EEF1E1: variants seen among roughly 807,000 people sequenced by gnomAD.
The protein encoded by EEF1E1 is eukaryotic translation elongation factor 1 epsilon 1, also known as eukaryotic translation elongation factor 1 epsilon-1.
EEF1E1 carries 19 observed loss-of-function variants against 19.9 expected under a neutral mutation model. That is an observed-to-expected ratio of 0.95 (90% CI 0.66 to 1.40). EEF1E1 has a LOEUF of 1.40. EEF1E1 is among the 40% of genes most tolerant of loss of function. The pLI, the probability that EEF1E1 is intolerant of heterozygous loss-of-function variation, is 0.00. For missense variants in EEF1E1, 198 were observed against 202.2 expected (o/e 0.98, Z 0.13); for synonymous variants, 81 against 80.0 (o/e 1.01, Z -0.07).
intron 2 of EEF1E1, among the ~76,000 whole-genome samples, chr6:8,094,397 G>C (rs78774759): frequency 0.11 from 17,065 of 151,566 alleles, 1,171 homozygotes; most frequent in South Asian, 0.2. Context: ...AGGAATTCGA[G>C]ATCAGCCTGG....
intron 3 of EEF1E1, among the ~76,000 whole-genome samples, chr6:8,082,098 C>T (rs1048870384): frequency 2.0e-5 from 3 of 152,206 alleles, no homozygotes; most frequent in Middle Eastern, 3.4e-3. Context: ...TGCTTACAGG[C>T]CTATTATTTA....
At chr6:8,099,773 CACACACACACACACACACAA>C (rs1242689951) in intron 1 of EEF1E1, among the ~76,000 whole-genome samples, 3 of 122,980 alleles carry the variant, frequency 2.4e-5, no homozygotes, top group Non-Finnish European at 5.2e-5. Flanking sequence ...CACACACACA[CACACACACACACACACACAA>C]AAAAAAAACA....
At chr6:8,074,648 C>T (rs1016102244), downstream of EEF1E1, among the ~76,000 whole-genome samples, 4 of 152,176 alleles carry the variant, frequency 2.6e-5, no homozygotes, top group South Asian at 2.1e-4. Context: ...AGGCAAGTGC[C>T]TGACAGAAAT....
chr6:8,101,244 ATATATATATATATAT>A lies in EEF1E1; in HGVS notation c.87+1176_87+1190del, dbSNP rs1470470040. ...TTGTCTCAAAAAAAAAAAAAAAAAA[ATATATATATATATAT>A]ATATATATATATATATATATATATG... On this transcript the variant is annotated intron_variant, in intron 1 of 3. Coordinates refer to ENST00000379715, the MANE Select transcript of EEF1E1 (RefSeq NM_004280.5). 5.0e-4 allele frequency among the ~76,000 whole-genome samples: 21 copies of A among 41,630 alleles called. 2 individuals carry two copies. The highest frequency in any genetic ancestry group is 1.9e-3 in the African/African-American group (16 of 8,600). 27.3% of individuals were successfully genotyped at this position (41,630 alleles called of 152,430 possible).
intron 3 of EEF1E1, among the ~76,000 whole-genome samples, chr6:8,084,660 T>TAA (rs1426806215): frequency 6.6e-6 from 1 of 152,224 alleles, no homozygotes; most frequent in Non-Finnish European, 1.5e-5. Context: ...ATGATATTTT[T>TAA]CCTAATATAA....
chr6:8,102,315 G>A, intron 1 of EEF1E1, 120 bp downstream of exon 1: 1 of 1,073,826 alleles, frequency 9.3e-7, no homozygotes, highest in Non-Finnish European at 1.3e-6. Context: ...AGACACGTGG[G>A]GAGCTGGGTA....
At chr6:8,074,420 T>C (rs1419280992), downstream of EEF1E1, among the ~76,000 whole-genome samples, 1 of 152,174 alleles carries the variant, frequency 6.6e-6, no homozygotes. Flanking sequence ...GACTGTGGTG[T>C]GCCAATGATT....
chr6:8,076,921 G>A (rs1427571309), downstream of EEF1E1, among the ~76,000 whole-genome samples: 1 of 148,262 alleles, frequency 6.7e-6, no homozygotes, highest in Admixed American at 6.7e-5. Context: ...AGTAGATGTA[G>A]CATGATTTTT....
intron 2 of EEF1E1, among the ~76,000 whole-genome samples, chr6:8,093,148 A>C (rs1261266116): frequency 6.6e-6 from 1 of 152,090 alleles, no homozygotes; most frequent in Admixed American, 6.5e-5. Context: ...CTGGGATTAC[A>C]GGCGTGAGCC....
At chr6:8,080,078 G>T in intron 3 of EEF1E1, 48 bp from the exon 4 acceptor site, 1 of 1,585,900 alleles carries the variant, frequency 6.3e-7, no homozygotes, top group Non-Finnish European at 8.6e-7. Flanking sequence ...TGTTACATAA[G>T]CACAACTGTT....
chr6:8,086,637 C>T (rs1425962570), intron 3 of EEF1E1, among the ~76,000 whole-genome samples: 3 of 152,166 alleles, frequency 2.0e-5, no homozygotes, highest in Non-Finnish European at 4.4e-5. Flanking sequence ...AACTGAGCGC[C>T]GTGCCTTTAA....
At chr6:8,075,465 G>A (rs928918317), downstream of EEF1E1, among the ~76,000 whole-genome samples, 8 of 152,074 alleles carry the variant, frequency 5.3e-5, no homozygotes, top group African/African-American at 1.2e-4. Flanking sequence ...CAGTTCCCCT[G>A]TCCATAGAAA....
intron 2 of EEF1E1, among the ~76,000 whole-genome samples, chr6:8,094,907 A>C (rs1287932551): frequency 6.6e-6 from 1 of 152,204 alleles, no homozygotes; most frequent in Admixed American, 6.5e-5. Flanking sequence ...TTTTCTTAAT[A>C]ATATTCTTTT....
At chr6:8,076,821 T>C (rs1293334602), downstream of EEF1E1, among the ~76,000 whole-genome samples, 2 of 152,174 alleles carry the variant, frequency 1.3e-5, no homozygotes, top group Non-Finnish European at 2.9e-5. Context: ...TTCTGAGCAG[T>C]AGGTCTCAAC....
intron 2 of EEF1E1, among the ~76,000 whole-genome samples, chr6:8,092,661 T>A (rs1758044613): frequency 6.6e-6 from 1 of 152,174 alleles, no homozygotes; most frequent in Non-Finnish European, 1.5e-5. Flanking sequence ...CTCTGTTGAA[T>A]GGAGATGATT....
chr6:8,087,018 A>C (rs1757876534), intron 3 of EEF1E1, among the ~76,000 whole-genome samples: 1 of 152,198 alleles, frequency 6.6e-6, no homozygotes, highest in Non-Finnish European at 1.5e-5. Context: ...CGCCTGAGAG[A>C]GATGCAGCCG....
At chr6:8,085,964 C>T (rs1757843013) in intron 3 of EEF1E1, among the ~76,000 whole-genome samples, 1 of 152,170 alleles carries the variant, frequency 6.6e-6, no homozygotes, top group Non-Finnish European at 1.5e-5. Flanking sequence ...TTTTATACTT[C>T]TGTTGTCTCC....
At chr6:8,087,321 A>G (rs1321391362) in intron 3 of EEF1E1, among the ~76,000 whole-genome samples, 1 of 152,150 alleles carries the variant, frequency 6.6e-6, no homozygotes, top group Non-Finnish European at 1.5e-5. Flanking sequence ...GGGTTCAAGC[A>G]ATTCTCCTGC....
intron 3 of EEF1E1, chr6:8,089,902 C>T (rs1757969292): frequency 1.4e-5 from 5 of 356,456 alleles, no homozygotes; most frequent in Non-Finnish European, 2.5e-5. Context: ...GAAAAGGAAG[C>T]AACTGAAAGG....
Sources: allele counts gnomAD v4.1 joint callset (sites outside exome capture counted in the v4.1 genomes callset), GRCh38; gene constraint gnomAD v4.1.1; transcripts MANE v1.5; gene names NCBI Gene and HGNC (gene_info 2026-07-23, HGNC 2026-07-21).